Variants in ANGPTL3 observed in about 807,000 individuals in gnomAD.
ANGPTL3 encodes angiopoietin like 3, also known as angiopoietin-related protein 3.
A neutral mutation model predicts 52.7 loss-of-function variants in ANGPTL3; 51 were observed. The ratio of observed to expected loss-of-function variants is 0.97; its 90% CI spans 0.77 to 1.22. The LOEUF (loss-of-function observed/expected upper bound fraction) is 1.22. Among genes scored for constraint, ANGPTL3 ranks in the 50% most tolerant of loss-of-function variants. ANGPTL3 has a pLI of 0.00. For synonymous variants in ANGPTL3, 185 were observed against 179.8 expected, an observed-to-expected ratio of 1.03 and a Z score of -0.23; for missense variants, 506 against 520.7, an observed-to-expected ratio of 0.97 and a Z score of 0.27.
rs1650629802 is a variant in ANGPTL3 at position 62,604,355 on chromosome 1, C to G, written c.1198+120C>G. 17 of 1,266,088 alleles carry G rather than the reference C, an allele frequency of 1.3e-5. No homozygotes were observed. In the South Asian group the frequency reaches 2.2e-4, roughly 16 times the overall value. 78.4% of individuals were successfully genotyped at this position (1,266,088 alleles called of 1,614,324 possible). On this transcript the variant is annotated intron_variant, in intron 6 of 6. Transcript: ENST00000371129. ...CGAATCCCAAATAAGCGTTTTCTCT[C>G]TAGACGAAAACCTCTTAACTATAAT...
At chr1:62,602,446 A>AC in intron 5 of ANGPTL3, 66 bp downstream of exon 5, 2 of 1,399,654 alleles carry the variant, frequency 1.4e-6, no homozygotes, top group South Asian at 2.3e-5. Context: ...AGAACCTCTT[A>AC]TGGACCAGGT....
At chr1:62,602,001 C>T (rs1352764884) in intron 4 of ANGPTL3, 119 bp downstream of exon 4, 11 of 636,646 alleles carry the variant, frequency 1.7e-5, no homozygotes, top group East Asian at 8.5e-5. Flanking sequence ...TATGAGTATT[C>T]GTATAAATAT....
chr1:62,602,556 GTTA>G (rs1650308169), intron 5 of ANGPTL3, among the ~76,000 whole-genome samples, 176 bp downstream of exon 5: 1 of 151,586 alleles, frequency 6.6e-6, no homozygotes, highest in South Asian at 2.1e-4. Context: ...TATTACAACT[GTTA>G]TTATTTGAAT....
At position 62,597,930 on chromosome 1, in the gene ANGPTL3, T is replaced by G; in HGVS notation, c.364T>G (p.Ser122Ala). 1 of 1,550,638 alleles carries G rather than the reference T, an allele frequency of 6.4e-7. No individual in the cohort carries two copies. The highest frequency in any genetic ancestry group is 1.3e-5 in the South Asian group (1 of 78,712). Residue 122 changes from serine (S) to alanine (A), a missense_variant, in exon 1 of 7, where the codon TCA (serine) becomes GCA (alanine). Transcript: ENST00000371129. ...AAAGAATATGTCACTTGAACTCAACTCAAAACTTGAAAGCCTCCTAGAAGA... is the reference window on the plus strand; with the variant it reads ...AAAGAATATGTCACTTGAACTCAACGCAAAACTTGAAAGCCTCCTAGAAGA... ...EVKNMSLELN[S>A]KLESLLEEKI...
chr1:62,604,261 T>C, intron 6 of ANGPTL3, 26 bp downstream of exon 6: 1 of 1,610,370 alleles, frequency 6.2e-7, no homozygotes, highest in East Asian at 2.2e-5. Context: ...ACCAATACTT[T>C]ATTTTCATAT....
chr1:62,598,542 C>T (rs944094224), intron 1 of ANGPTL3, among the ~76,000 whole-genome samples, 154 bp from the exon 2 acceptor site: 14 of 151,864 alleles, frequency 9.2e-5, no homozygotes, highest in African/African-American at 3.4e-4. Flanking sequence ...AAAATATGTG[C>T]TATTTGAAAG....
rs1267929323 is a variant in ANGPTL3 at position 62,597,679 on chromosome 1, C to T, written c.113C>T (p.Ala38Val). 7.4e-6 allele frequency: 12 copies of T among 1,613,482 alleles called. 1 individual carries two copies. In the East Asian group the frequency reaches 2.2e-4, roughly 30 times the overall value. Residue 38 changes from alanine (A) to valine (V), a missense_variant, in exon 1 of 7, where the codon GCT (alanine) becomes GTT (valine). Physicochemically the swap from Ala to Val is moderately conservative, Grantham distance 64 (BLOSUM62 0). Coordinates refer to ENST00000371129, the MANE Select transcript of ANGPTL3 (RefSeq NM_014495.4). ...SLSPEPKSRF[A>V]MLDDVKILAN... ...TCTCCAGAGCCAAAATCAAGATTTG[C>T]TATGTTAGACGATGTAAAAATTTTA...
At chr1:62,601,265 C>CTTAACTATCTTT in intron 3 of ANGPTL3, 69 bp downstream of exon 3, 2 of 1,083,736 alleles carry the variant, frequency 1.8e-6, no homozygotes, top group Non-Finnish European at 2.8e-6. Flanking sequence ...AGGACTTGTT[C>CTTAACTATCTTT]TAGACTAAAA....
At chr1:62,603,876 CAATT>C in intron 5 of ANGPTL3, 89 bp from the exon 6 acceptor site, 1 of 1,205,526 alleles carries the variant, frequency 8.3e-7, no homozygotes, top group Admixed American at 1.8e-5. Context: ...CTAAACAACT[CAATT>C]AGTTGCACCA....
intron 1 of ANGPTL3, 98 bp from the exon 2 acceptor site, chr1:62,598,598 A>C (rs761184737): frequency 7.0e-6 from 5 of 715,950 alleles, no homozygotes; most frequent in Non-Finnish European, 2.5e-6. Flanking sequence ...TTTCAAATCC[A>C]TTATTAGTTT....
intron 5 of ANGPTL3, among the ~76,000 whole-genome samples, chr1:62,603,164 C>CA (rs927526605): frequency 6.6e-6 from 1 of 151,534 alleles, no homozygotes; most frequent in Non-Finnish European, 1.5e-5. Flanking sequence ...AGTGTAACCC[C>CA]AAAATAAAAG....
rs765893431 is a variant in ANGPTL3 at position 62,601,796 on chromosome 1, A to G, written c.749A>G (p.Tyr250Cys). The G allele has an allele frequency of 6.2e-6, 10 of 1,609,462 alleles. No individual in the cohort carries two copies. In the South Asian group the frequency reaches 6.6e-5, roughly 11 times the overall value. Residue 250 changes from tyrosine (Y) to cysteine (C), a missense_variant, in exon 4 of 7, where the codon TAT becomes TGT. Tyr to Cys is a radical substitution (Grantham distance 194). Coordinates refer to ENST00000371129, the MANE Select transcript of ANGPTL3 (RefSeq NM_014495.4). ...DGIPAECTTI[Y>C]NRGEHTSGMY... ...ATTCCTGCTGAATGTACCACCATTT[A>G]TAACAGAGGTGAACATACAAGTGGC...
chr1:62,603,475 C>T (rs1167504876), intron 5 of ANGPTL3, among the ~76,000 whole-genome samples: 2 of 151,390 alleles, frequency 1.3e-5, no homozygotes, highest in Admixed American at 6.6e-5. Flanking sequence ...AAATTTATTC[C>T]TGTCTTTTTC....
At chr1:62,601,700 G>A in intron 3 of ANGPTL3, 69 bp from the exon 4 acceptor site, 1 of 1,117,178 alleles carries the variant, frequency 9.0e-7, no homozygotes, top group Admixed American at 1.8e-5. Context: ...AATGTCAAGT[G>A]AAATCTCAAG....
Position 62,604,071 on chromosome 1 carries a change from T to C in ANGPTL3, c.1034T>C (p.Ile345Thr), listed in dbSNP as rs1650567635. 5 of 1,613,320 alleles carry C rather than the reference T, an allele frequency of 3.1e-6. No individual in the cohort carries two copies. The highest frequency in any genetic ancestry group is 2.2e-5 in the South Asian group (2 of 91,064). Reference sequence around the variant, plus strand: ...GACTGGAAAGACAACAAACATTATATTGAATATTCTTTTTACTTGGGAAAT... The same window carrying C: ...GACTGGAAAGACAACAAACATTATACTGAATATTCTTTTTACTTGGGAAAT... ...LEDWKDNKHY[I>T]EYSFYLGNHE... is the part of the protein sequence containing the mutation. Residue 345 changes from isoleucine (I) to threonine (T), a missense_variant, in exon 6 of 7, where the codon ATT becomes ACT. Transcript: ENST00000371129.
At chr1:62,604,437 C>A in intron 6 of ANGPTL3, 196 bp from the exon 7 acceptor site, 1 of 893,792 alleles carries the variant, frequency 1.1e-6, no homozygotes. Context: ...CTCAGATTTT[C>A]TATTTTTTGG....
rs921913400 is a variant in ANGPTL3, at chr1:62,598,629, T to G, written c.496-67T>G. 3.6e-6 allele frequency: 3 copies of G among 834,142 alleles called. No individual in the cohort carries two copies. In the Admixed American group the frequency reaches 5.4e-5, roughly 15 times the overall value. 51.7% of individuals were successfully genotyped at this position (834,142 alleles called of 1,614,324 possible). ...AGTTTAAAAATTTAGATTATGATAG[T>G]GTTACAGGAAATTAATAGAAAAGAA... On this transcript the variant is annotated intron_variant, in intron 1 of 6. Transcript: ENST00000371129.
chr1:62,598,684 C>T lies in ANGPTL3; in HGVS notation c.496-12C>T. 6.6e-7 allele frequency: 1 copy of T among 1,505,626 alleles called. No individual in the cohort carries two copies. The highest frequency in any genetic ancestry group is 2.3e-5 in the East Asian group (1 of 44,188). The allele number at this position is 1,505,626 out of a possible 1,614,324, so 93.3% of individuals were successfully genotyped here. A position where few individuals can be genotyped will look rare whatever the true frequency, so the allele number is the denominator to read the frequency against. ...GAAAGCAACTTATAACCAACCTACT[C>T]TCTATATCCAGACTTTTGTAGAAAA... On this transcript the variant is annotated splice_polypyrimidine_tract_variant and intron_variant, in intron 1 of 6. Transcript: ENST00000371129.
At chr1:62,602,188 C>A (rs1650222831) in intron 4 of ANGPTL3, 97 bp from the exon 5 acceptor site, 3 of 1,007,836 alleles carry the variant, frequency 3.0e-6, no homozygotes, top group African/African-American at 3.2e-5. Flanking sequence ...AACTACCTTA[C>A]AAAACCACCA....
Sources: allele counts gnomAD v4.1 joint callset (sites outside exome capture counted in the v4.1 genomes callset), GRCh38; gene constraint gnomAD v4.1.1; transcripts MANE v1.5; gene names NCBI Gene and HGNC (gene_info 2026-07-23, HGNC 2026-07-21).